FSTL5: variants seen among roughly 807,000 people sequenced by gnomAD.
FSTL5 encodes follistatin-related protein 5.
Under a neutral mutation model 89.1 loss-of-function variants are expected in FSTL5, and 62 were observed. The ratio of observed to expected loss-of-function variants is 0.70; its 90% CI spans 0.57 to 0.86. FSTL5 has a LOEUF of 0.86. FSTL5 is among the 40% of genes least tolerant of loss of function. FSTL5 has a pLI of 0.00. For synonymous variants in FSTL5, 383 were observed against 346.2 expected (o/e 1.11, Z -1.18); for missense variants, 1,057 against 1,001.6 (o/e 1.06, Z -0.75).
At chr4:161,712,632 T>A (rs902712966) in intron 6 of FSTL5, among the ~76,000 whole-genome samples, 1 of 152,152 alleles carries the variant, frequency 6.6e-6, no homozygotes, top group African/African-American at 2.4e-5. Flanking sequence ...TCCTTCAACA[T>A]TGGAGGTGGG....
intron 15 of FSTL5, among the ~76,000 whole-genome samples, chr4:161,389,488 G>T (rs1292005743): frequency 6.6e-6 from 1 of 151,968 alleles, no homozygotes; most frequent in Non-Finnish European, 1.5e-5. Flanking sequence ...TCATAAAAAG[G>T]CTCAACTTTA....
intron 15 of FSTL5, among the ~76,000 whole-genome samples, chr4:161,425,096 T>C (rs974215065): frequency 1.3e-5 from 2 of 152,240 alleles, no homozygotes; most frequent in Non-Finnish European, 2.9e-5. Flanking sequence ...ATAAATTGGT[T>C]GTAATTTTGT....
chr4:162,142,565 T>G lies in FSTL5; in HGVS notation c.-17+21050A>C, dbSNP rs544663873. ...GAGAGTTTTGCTAGTTTGTTGAGTTTAAAGACAGTGACAATAGCACCATTC... is the reference window on the plus strand; with the variant it reads ...GAGAGTTTTGCTAGTTTGTTGAGTTGAAAGACAGTGACAATAGCACCATTC... On this transcript the variant is annotated intron_variant, in intron 1 of 15. Coordinates refer to ENST00000306100, the MANE Select transcript of FSTL5 (RefSeq NM_020116.5). Among the ~76,000 whole-genome samples, 3 of 152,260 alleles carry G rather than the reference T, an allele frequency of 2.0e-5. No individual in the cohort carries two copies. In the South Asian group the frequency reaches 6.2e-4, roughly 32 times the overall value.
At chr4:161,592,443 G>A (rs903297638) in intron 7 of FSTL5, among the ~76,000 whole-genome samples, 1 of 150,768 alleles carries the variant, frequency 6.6e-6, no homozygotes, top group Non-Finnish European at 1.5e-5. Flanking sequence ...ACCCCTGAGA[G>A]ACCCCAATGT....
intron 4 of FSTL5, among the ~76,000 whole-genome samples, chr4:161,840,287 A>T (rs1312628888): frequency 6.6e-6 from 1 of 152,156 alleles, no homozygotes; most frequent in Admixed American, 6.6e-5. Flanking sequence ...AGTGGAATTT[A>T]TGTTTTCAAA....
At chr4:161,554,197 A>C (rs1406321932) in intron 8 of FSTL5, among the ~76,000 whole-genome samples, 2 of 151,540 alleles carry the variant, frequency 1.3e-5, no homozygotes, top group Non-Finnish European at 3.0e-5. Context: ...GTAAACATTT[A>C]TCATCCGAAA....
At chr4:161,544,220 C>T (rs553793563) in intron 8 of FSTL5, among the ~76,000 whole-genome samples, 1 of 151,828 alleles carries the variant, frequency 6.6e-6, no homozygotes, top group African/African-American at 2.4e-5. Flanking sequence ...GCTATTTAAA[C>T]AGATAAACAA....
chr4:162,005,263 A>C (rs1183454298), intron 3 of FSTL5, among the ~76,000 whole-genome samples: 1 of 152,120 alleles, frequency 6.6e-6, no homozygotes, highest in African/African-American at 2.4e-5. Flanking sequence ...TACAAATTTC[A>C]CTTGGAAGCA....
chr4:161,805,715 T>C (rs1284024501), intron 4 of FSTL5, among the ~76,000 whole-genome samples: 1 of 152,092 alleles, frequency 6.6e-6, no homozygotes, highest in Non-Finnish European at 1.5e-5. Context: ...GAAAGAATTA[T>C]CACCATAAAA....
chr4:161,922,805 A>G (rs1315001217), intron 3 of FSTL5, among the ~76,000 whole-genome samples: 1 of 137,938 alleles, frequency 7.2e-6, no homozygotes, highest in Non-Finnish European at 1.6e-5. Flanking sequence ...GATACTAGGA[A>G]AAGAAATTTA....
intron 3 of FSTL5, among the ~76,000 whole-genome samples, chr4:161,946,343 A>G (rs1266951212): frequency 2.0e-5 from 3 of 152,206 alleles, no homozygotes; most frequent in African/African-American, 7.2e-5. Context: ...AAACTTTAAC[A>G]AAGTTACTCA....
At chr4:162,097,735 A>C (rs1401790603) in intron 2 of FSTL5, among the ~76,000 whole-genome samples, 2 of 151,940 alleles carry the variant, frequency 1.3e-5, no homozygotes, top group Non-Finnish European at 2.9e-5. Flanking sequence ...GTCACTAGTT[A>C]ACAAGAAAAT....
At chr4:161,885,889 C>A (rs1579168311) in intron 4 of FSTL5, among the ~76,000 whole-genome samples, 1 of 151,824 alleles carries the variant, frequency 6.6e-6, no homozygotes, top group African/African-American at 2.4e-5. Context: ...AGACAACTGG[C>A]AAAACTGTGT....
intron 13 of FSTL5, among the ~76,000 whole-genome samples, chr4:161,463,995 T>A (rs188043012): frequency 6.6e-6 from 1 of 152,176 alleles, no homozygotes; most frequent in Non-Finnish European, 1.5e-5. Flanking sequence ...CTGAGTGATT[T>A]TTTTTTTCAT....
intron 6 of FSTL5, among the ~76,000 whole-genome samples, chr4:161,748,950 T>C (rs1023494044): frequency 6.6e-6 from 1 of 151,946 alleles, no homozygotes; most frequent in African/African-American, 2.4e-5. Flanking sequence ...AAGCATCGGA[T>C]AAATGCAAAT....
chr4:161,954,762 C>T (rs907703378), intron 3 of FSTL5, among the ~76,000 whole-genome samples: 3 of 151,500 alleles, frequency 2.0e-5, no homozygotes, highest in Non-Finnish European at 3.0e-5. Context: ...ACCAAAATCA[C>T]TAAACACAGA....
At chr4:161,503,892 A>G (rs1164181555) in intron 11 of FSTL5, among the ~76,000 whole-genome samples, 1 of 152,132 alleles carries the variant, frequency 6.6e-6, no homozygotes, top group East Asian at 1.9e-4. Context: ...GGCCAAGCCC[A>G]AACTGTTTTC....
At chr4:161,432,905 T>G (rs1732429816) in intron 15 of FSTL5, among the ~76,000 whole-genome samples, 2 of 151,868 alleles carry the variant, frequency 1.3e-5, no homozygotes, top group Non-Finnish European at 2.9e-5. Context: ...CTGAACATAC[T>G]AATAACAAGC....
intron 15 of FSTL5, among the ~76,000 whole-genome samples, chr4:161,392,984 C>G (rs1730872061): frequency 6.6e-6 from 1 of 151,826 alleles, no homozygotes. Context: ...GCCAACATGA[C>G]AAAAACCTGT....
Sources: allele counts gnomAD v4.1 joint callset (sites outside exome capture counted in the v4.1 genomes callset), GRCh38; gene constraint gnomAD v4.1.1; transcripts MANE v1.5; gene names NCBI Gene and HGNC (gene_info 2026-07-23, HGNC 2026-07-21).